Variants in WDR5 observed in about 807,000 individuals in gnomAD.
The protein encoded by WDR5 is WD repeat domain 5.
For synonymous variants in WDR5, 144 were observed against 161.6 expected (o/e 0.89, Z 0.83); for missense variants, 187 against 416.9 (o/e 0.45, Z 4.80).
chr9:134,152,171 C>T (rs1832528445), intron 9 of WDR5, 142 bp downstream of exon 9: 11 of 996,096 alleles, frequency 1.1e-5, no homozygotes, highest in East Asian at 5.1e-5. Flanking sequence ...CGTGTCCGAC[C>T]GTTCCGCCAG....
chr9:134,139,813 T>C lies in WDR5; in HGVS notation c.-58-7T>C. The stretch of plus-strand genomic sequence containing the variant: ...CTTGGCTCCCTGTTCTGCATCTCGC[T>C]CAACAGACTGCCTCTGTCACCGGGT... On this transcript the variant is annotated splice_region_variant and splice_polypyrimidine_tract_variant and intron_variant, in intron 1 of 13. Transcript: ENST00000358625. 6.4e-7 allele frequency: 1 copy of C among 1,562,348 alleles called. No individual in the cohort carries two copies. The highest frequency in any genetic ancestry group is 1.1e-5 in the South Asian group (1 of 89,982).
chr9:134,154,768 C>G (rs551802452), intron 10 of WDR5, among the ~76,000 whole-genome samples: 1 of 152,158 alleles, frequency 6.6e-6, no homozygotes, highest in Non-Finnish European at 1.5e-5. Context: ...ATTTAGGGTC[C>G]GTTTTCTGGT....
At chr9:134,148,139 A>T in intron 7 of WDR5, 149 bp from the exon 8 acceptor site, 1 of 598,310 alleles carries the variant, frequency 1.7e-6, no homozygotes, top group Non-Finnish European at 2.7e-6. Flanking sequence ...TGGGTGACAG[A>T]GCGAGACTCT....
At chr9:134,154,031 G>A (rs547381737) in intron 9 of WDR5, among the ~76,000 whole-genome samples, 4 of 152,324 alleles carry the variant, frequency 2.6e-5, no homozygotes, top group Admixed American at 2.6e-4. Flanking sequence ...AAACAGATGG[G>A]TTCTGTGGGT....
intron 9 of WDR5, among the ~76,000 whole-genome samples, chr9:134,153,644 C>T (rs996559077): frequency 7.2e-5 from 11 of 152,216 alleles, no homozygotes; most frequent in African/African-American, 2.4e-4. Context: ...GGAGCGGAGA[C>T]GCCAGGTGCC....
chr9:134,140,557 A>G (rs1831832610), intron 2 of WDR5, 146 bp from the exon 3 acceptor site: 6 of 735,138 alleles, frequency 8.2e-6, no homozygotes, highest in Admixed American at 5.6e-5. Flanking sequence ...TACTGTCCAC[A>G]TAGAGATTGG....
intron 1 of WDR5, among the ~76,000 whole-genome samples, chr9:134,137,303 G>GC: frequency 6.6e-6 from 1 of 152,258 alleles, no homozygotes; most frequent in East Asian, 1.9e-4. Flanking sequence ...CGTAACCTTG[G>GC]CCCCCGCTTT....
rs1481112395 is a variant in WDR5 at position 134,157,096 on chromosome 9, G to A, written c.904+503G>A. Among the ~76,000 whole-genome samples, 2 of 152,166 alleles carry A rather than the reference G, an allele frequency of 1.3e-5. No individual in the cohort carries two copies. The highest frequency in any genetic ancestry group is 1.9e-4 in the East Asian group (1 of 5,184). On this transcript the variant is annotated intron_variant, in intron 13 of 13. Transcript: ENST00000358625. This position sits in a 1 kb window ranked among gnomAD's most constrained non-coding sequence, Gnocchi z 5.0. ...TGGGTCCCGGCTGCCCTCTGCAGCCGCCGCTACTTCCTCACCCTCTGGCCC... is the reference window on the plus strand; with the variant it reads ...TGGGTCCCGGCTGCCCTCTGCAGCCACCGCTACTTCCTCACCCTCTGGCCC...
intron 5 of WDR5, 137 bp from the exon 6 acceptor site, chr9:134,142,196 G>A: frequency 1.8e-6 from 2 of 1,105,100 alleles, no homozygotes; most frequent in South Asian, 1.5e-5. Context: ...GGGGGAGGCC[G>A]AGTTGACTTC....
chr9:134,147,984 GTC>G (rs940885868), intron 7 of WDR5, among the ~76,000 whole-genome samples: 7 of 151,974 alleles, frequency 4.6e-5, no homozygotes, highest in Non-Finnish European at 8.8e-5. Flanking sequence ...GTGAAACCCC[GTC>G]TCTCCTAAAA....
intron 8 of WDR5, among the ~76,000 whole-genome samples, chr9:134,149,176 G>A (rs1832367445): frequency 6.6e-6 from 1 of 151,174 alleles, no homozygotes; most frequent in Admixed American, 6.6e-5. Flanking sequence ...GTCACAGTCT[G>A]TAGTCGCCAT....
At chr9:134,152,829 G>A (rs1056464262) in intron 9 of WDR5, among the ~76,000 whole-genome samples, 1 of 152,208 alleles carries the variant, frequency 6.6e-6, no homozygotes, top group Admixed American at 6.5e-5. Context: ...CCGCAGTCCA[G>A]GAGGCTGTGG....
intron 7 of WDR5, among the ~76,000 whole-genome samples, chr9:134,144,959 G>A (rs907972077): frequency 1.3e-5 from 2 of 152,042 alleles, no homozygotes; most frequent in Admixed American, 1.3e-4. Context: ...GCTTTTTTAG[G>A]TGCATATTTT....
intron 7 of WDR5, among the ~76,000 whole-genome samples, chr9:134,144,017 T>A (rs1273800252): frequency 6.6e-6 from 1 of 152,266 alleles, no homozygotes; most frequent in African/African-American, 2.4e-5. Context: ...CCATGCTGCC[T>A]GCCCGTGTGC....
rs752991993 is a variant in WDR5 at position 134,156,503 on chromosome 9, T to C, written c.817-3T>C. On this transcript the variant is annotated splice_polypyrimidine_tract_variant and splice_region_variant and intron_variant, in intron 12 of 13. Transcript: ENST00000358625. The stretch of plus-strand genomic sequence containing the variant: ...CCTGTTTTCCCTGCTTGTTGTTACG[T>C]AGTGGATTGTGTCTGGCTCAGAGGA... 6.2e-6 allele frequency: 10 copies of C among 1,614,124 alleles called. No homozygotes were observed. The highest frequency in any genetic ancestry group is 8.5e-6 in the Non-Finnish European group (10 of 1,179,934).
At chr9:134,155,885 T>A in intron 12 of WDR5, 118 bp downstream of exon 12, 1 of 983,206 alleles carries the variant, frequency 1.0e-6, no homozygotes, top group Non-Finnish European at 1.5e-6. Flanking sequence ...AAAATGAATT[T>A]CCATTTCAAC....
At chr9:134,137,694 A>AAAAAAC (rs1564186406) in intron 1 of WDR5, among the ~76,000 whole-genome samples, 3 of 150,870 alleles carry the variant, frequency 2.0e-5, no homozygotes, top group Non-Finnish European at 4.4e-5. Context: ...CAAAAAAAAA[A>AAAAAAC]CACGCCAAGC....
At position 134,148,234 on chromosome 9, in the gene WDR5, T is replaced by C. The variant is rs918080960; in HGVS notation, c.529-54T>C. ...TTTGAGATCAGGTAAGAAGCAGTTG[T>C]GTCCCTGACTTGAAAGTAAGTTTTT... is the stretch of plus-strand genomic sequence containing the variant. On this transcript the variant is annotated intron_variant, in intron 7 of 13. Coordinates refer to ENST00000358625, the MANE Select transcript of WDR5 (RefSeq NM_017588.3). 6.1e-5 allele frequency: 66 copies of C among 1,078,278 alleles called. No homozygotes were observed. In the Admixed American group the frequency reaches 1.2e-3, roughly 20 times the overall value. 66.8% of individuals were successfully genotyped at this position (1,078,278 alleles called of 1,614,324 possible). A position where few individuals can be genotyped will look rare whatever the true frequency, so the allele number is the denominator to read the frequency against.
At chr9:134,144,722 C>G (rs576541991) in intron 7 of WDR5, among the ~76,000 whole-genome samples, 11 of 152,110 alleles carry the variant, frequency 7.2e-5, no homozygotes, top group African/African-American at 2.7e-4. Flanking sequence ...CACGTGTGGT[C>G]CCAGCTACTT....
Sources: gnomAD v4.1 joint callset for allele counts (sites outside exome capture counted in the v4.1 genomes callset) on GRCh38, gnomAD v4.1.1 for gene constraint, Gnocchi (gnomAD v3.1) non-coding constraint, MANE v1.5 for transcripts, NCBI Gene and HGNC (gene_info 2026-07-23, HGNC 2026-07-21) for gene names.